The following OPCML variants were observed in gnomAD, a reference collection of about 807,000 sequenced individuals.
The protein encoded by OPCML is opioid binding protein/cell adhesion molecule like.
In OPCML, 13 loss-of-function variants were observed where a neutral mutation model predicts 37.8. The ratio of observed to expected loss-of-function variants is 0.34; its 90% CI spans 0.22 to 0.55. The LOEUF is 0.55. OPCML is among the 20% of genes least tolerant of loss of function. OPCML has a pLI of 0.91. For missense variants in OPCML, 341 were observed against 435.6 expected, an observed-to-expected ratio of 0.78 and a Z score of 1.93; for synonymous variants, 176 against 168.8, an observed-to-expected ratio of 1.04 and a Z score of -0.33.
chr11:132,666,853 G>A (rs1942248879), intron 2 of OPCML, among the ~76,000 whole-genome samples: 1 of 152,172 alleles, frequency 6.6e-6, no homozygotes, highest in African/African-American at 2.4e-5. Context: ...TAAAATGTCT[G>A]CATAGGTTTA....
intron 1 of OPCML, among the ~76,000 whole-genome samples, chr11:133,154,881 G>A (rs753476071): frequency 1.2e-4 from 19 of 152,216 alleles, no homozygotes; most frequent in Admixed American, 3.3e-4. Context: ...GCTCTGCATT[G>A]CCTTGAATTG....
intron 1 of OPCML, among the ~76,000 whole-genome samples, chr11:133,111,461 C>T (rs1464564056): frequency 2.0e-5 from 3 of 152,156 alleles, no homozygotes; most frequent in Non-Finnish European, 2.9e-5. Flanking sequence ...TTTCTTTTGG[C>T]ATGTTGTCCC....
intron 1 of OPCML, among the ~76,000 whole-genome samples, chr11:133,071,719 T>A (rs1948539694): frequency 6.6e-6 from 1 of 152,222 alleles, no homozygotes; most frequent in African/African-American, 2.4e-5. Context: ...GGAGAGAGTT[T>A]TAGGCCCTTT....
chr11:132,732,935 T>C (rs978664669), intron 2 of OPCML, among the ~76,000 whole-genome samples: 5 of 152,114 alleles, frequency 3.3e-5, no homozygotes, highest in African/African-American at 1.2e-4. Flanking sequence ...AGTAGTATTA[T>C]TGAGGGCAGA....
intron 1 of OPCML, among the ~76,000 whole-genome samples, chr11:133,156,484 C>A (rs775760475): frequency 1.3e-5 from 2 of 152,246 alleles, no homozygotes; most frequent in African/African-American, 4.8e-5. Context: ...CAGCTGAGCA[C>A]ATGCATTCCA....
At chr11:132,492,243 A>G (rs1328853051) in intron 4 of OPCML, among the ~76,000 whole-genome samples, 1 of 151,926 alleles carries the variant, frequency 6.6e-6, no homozygotes, top group Non-Finnish European at 1.5e-5. Context: ...GAGGGCTTGG[A>G]GCAAAAGGTG....
At chr11:133,412,343 C>T (rs920141708) in intron 1 of OPCML, among the ~76,000 whole-genome samples, 2 of 152,152 alleles carry the variant, frequency 1.3e-5, no homozygotes, top group African/African-American at 4.8e-5. Flanking sequence ...TCACCTTCTC[C>T]CTCTAAATGT....
intron 2 of OPCML, chr11:132,771,814 C>T (rs2136124631): frequency 6.6e-6 from 1 of 152,344 alleles, no homozygotes; most frequent in African/African-American, 2.4e-5. Flanking sequence ...TTCAAGGTGA[C>T]TCTTCAGGAA....
chr11:133,454,138 T>C (rs1387984016), intron 1 of OPCML, among the ~76,000 whole-genome samples: 1 of 152,212 alleles, frequency 6.6e-6, no homozygotes, highest in Non-Finnish European at 1.5e-5. Flanking sequence ...TCTCATTTGT[T>C]TCTAGGGTCA....
chr11:132,459,335 G>A (rs1025811127), intron 4 of OPCML, among the ~76,000 whole-genome samples: 41 of 151,634 alleles, frequency 2.7e-4, no homozygotes, highest in African/African-American at 9.9e-4. Flanking sequence ...GCTTGGAGAA[G>A]GCAGGTCTTG....
chr11:132,897,471 A>T (rs1943894347), intron 2 of OPCML, among the ~76,000 whole-genome samples: 1 of 152,192 alleles, frequency 6.6e-6, no homozygotes, highest in Admixed American at 6.5e-5. Context: ...TACATGAAGA[A>T]ATGCCCCAAA....
In OPCML at chr11:133,532,353, G is replaced by A. The variant is rs376849475; in HGVS notation, c.-29C>T. The A allele has an allele frequency of 2.1e-5, 33 of 1,609,620 alleles. No individual in the cohort carries two copies. Among genetic ancestry groups the A allele is most frequent in the Admixed American group, 2.0e-4 (12 of 59,692 alleles). On this transcript the variant is annotated 5_prime_UTR_variant, in exon 1 of 8. Coordinates refer to ENST00000524381, the MANE Select transcript of OPCML (RefSeq NM_001012393.5). The stretch of plus-strand genomic sequence containing the variant: ...GACGCTGCGGTGCTCTCAGCTGCCG[G>A]GCTTGCTACTGCTTCTGCTGCTGCT...
At chr11:132,966,312 A>G (rs1446694827) in intron 1 of OPCML, among the ~76,000 whole-genome samples, 2 of 151,896 alleles carry the variant, frequency 1.3e-5, no homozygotes, top group Admixed American at 1.3e-4. Context: ...GAGTGTGTTA[A>G]TTTCCATTTT....
chr11:133,398,309 C>T (rs1011702192), intron 1 of OPCML, among the ~76,000 whole-genome samples: 5 of 152,194 alleles, frequency 3.3e-5, no homozygotes, highest in Admixed American at 3.3e-4. Flanking sequence ...TTTTGGAAAT[C>T]AGCTCCTTTG....
chr11:132,520,549 A>G (rs2096290393), intron 4 of OPCML, among the ~76,000 whole-genome samples: 1 of 152,000 alleles, frequency 6.6e-6, no homozygotes. Context: ...TTGTATTTCT[A>G]TTTTTTTAAT....
At chr11:133,528,950 G>A (rs1447482775) in intron 1 of OPCML, among the ~76,000 whole-genome samples, 1 of 152,208 alleles carries the variant, frequency 6.6e-6, no homozygotes, top group African/African-American at 2.4e-5. Flanking sequence ...TTGCATCATG[G>A]TGCTGGCCCC....
At chr11:132,986,613 A>G (rs1946685659) in intron 1 of OPCML, among the ~76,000 whole-genome samples, 1 of 152,216 alleles carries the variant, frequency 6.6e-6, no homozygotes, top group South Asian at 2.1e-4. Flanking sequence ...TCCTCGAACA[A>G]ATAAATAATT....
At chr11:132,822,274 C>A (rs1940041734) in intron 2 of OPCML, among the ~76,000 whole-genome samples, 1 of 152,130 alleles carries the variant, frequency 6.6e-6, no homozygotes, top group Non-Finnish European at 1.5e-5. Flanking sequence ...CCACCTCCCC[C>A]CACCGCTTGC....
In OPCML at chr11:132,420,236, C is replaced by T. The variant is rs2095953197; in HGVS notation, c.974G>A (p.Trp325Ter). ...NSASRALACL[W>*]LSGTLLAHFF... ...GTGGGCTAAGAGGGTCCCTGATAGC[C>T]AGAGACAAGCCAGTGCTCTGGAGGC... Residue 325 changes from tryptophan to a stop codon, truncating the protein, a stop_gained, in exon 8 of 8, where the codon TGG becomes TAG. Coordinates refer to ENST00000524381, the MANE Select transcript of OPCML (RefSeq NM_001012393.5). LOFTEE classifies it high-confidence loss of function. The T allele has an allele frequency of 6.2e-7, 1 of 1,613,730 alleles. No homozygotes were observed. The highest frequency in any genetic ancestry group is 1.3e-5 in the African/African-American group (1 of 74,876).
Sources: allele counts gnomAD v4.1 joint callset (sites outside exome capture counted in the v4.1 genomes callset), GRCh38; gene constraint gnomAD v4.1.1; transcripts MANE v1.5; gene names NCBI Gene and HGNC (gene_info 2026-07-23, HGNC 2026-07-21).